Variants in RBBP9 observed in about 807,000 individuals in gnomAD.
RBBP9 encodes serine hydrolase RBBP9.
Under a neutral mutation model 24.2 loss-of-function variants are expected in RBBP9, and 20 were observed. The observed-to-expected ratio is 0.83, with a 90% CI of 0.58 to 1.20. The LOEUF (loss-of-function observed/expected upper bound fraction) is 1.20, where lower values mean the gene tolerates loss of function less well. Ranked by LOEUF, RBBP9 falls within the 50% of genes most tolerant of loss-of-function variation. The pLI is 0.00. For missense variants in RBBP9, 234 were observed against 233.6 expected (o/e 1.00, Z -0.01); for synonymous variants, 74 against 84.6 (o/e 0.87, Z 0.69).
chr20:18,497,178 A>C lies in RBBP9; in HGVS notation c.-11T>G, dbSNP rs1254843632. ...GCTAGGAGAAGCCATGAGTGCAGCG[A>C]GGCCAGAGTTCCCCAGCGCGGGTCC... On this transcript the variant is annotated 5_prime_UTR_variant, in exon 1 of 5. Transcript: ENST00000337227. 1.2e-6 allele frequency: 2 copies of C among 1,607,440 alleles called. No individual in the cohort carries two copies. The highest frequency in any genetic ancestry group is 1.7e-6 in the Non-Finnish European group (2 of 1,174,310).
intron 2 of RBBP9, among the ~76,000 whole-genome samples, chr20:18,494,282 CT>C (rs34967358): frequency 0.64 from 78,128 of 122,026 alleles, 24,274 homozygotes; most frequent in Non-Finnish European, 0.73. Flanking sequence ...TTTCTTTTCT[CT>C]TTTTTTTTTT....
rs933444594 is a variant in RBBP9 at position 18,488,736 on chromosome 20, T to C, written c.*1028A>G. The C allele has an allele frequency of 2.0e-5, 3 of 152,262 alleles. No individual in the cohort carries two copies. The highest frequency in any genetic ancestry group is 7.2e-5 in the African/African-American group (3 of 41,470). The allele number at this position is 152,262 out of a possible 1,614,324, so 9.4% of individuals were successfully genotyped here. ...TGGAACAAAATCCAAATTGTCCCCA[T>C]GATTTCGTCCTTTGACATTATGTTC... On this transcript the variant is annotated 3_prime_UTR_variant, in exon 5 of 5. Coordinates refer to ENST00000337227, the MANE Select transcript of RBBP9 (RefSeq NM_006606.3).
At chr20:18,491,149 A>G (rs772448771) in intron 3 of RBBP9, among the ~76,000 whole-genome samples, 2 of 152,238 alleles carry the variant, frequency 1.3e-5, no homozygotes, top group Non-Finnish European at 2.9e-5. Context: ...TAAGGCCTAG[A>G]ATCTGCATTT....
At chr20:18,494,848 A>G (rs1336600375) in intron 2 of RBBP9, among the ~76,000 whole-genome samples, 1 of 152,224 alleles carries the variant, frequency 6.6e-6, no homozygotes, top group Non-Finnish European at 1.5e-5. Context: ...TTTTATACCT[A>G]TGCCTCAAGT....
rs1353290682 is a variant in RBBP9, at chr20:18,497,176, C to T, written c.-9G>A. On this transcript the variant is annotated 5_prime_UTR_variant, in exon 1 of 5. Coordinates refer to ENST00000337227, the MANE Select transcript of RBBP9 (RefSeq NM_006606.3). ...TTGCTAGGAGAAGCCATGAGTGCAG[C>T]GAGGCCAGAGTTCCCCAGCGCGGGT... 3.1e-6 allele frequency: 5 copies of T among 1,610,466 alleles called. No individual in the cohort carries two copies. Among genetic ancestry groups the T allele is most frequent in the South Asian group, 2.2e-5 (2 of 90,892 alleles).
intron 1 of RBBP9, 132 bp from the exon 2 acceptor site, chr20:18,496,012 G>A: frequency 1.3e-6 from 1 of 760,112 alleles, no homozygotes; most frequent in Non-Finnish European, 2.1e-6. Flanking sequence ...AATGAAGTAG[G>A]TTAAGTGACC....
At chr20:18,495,754 A>G (rs1212388970) in intron 2 of RBBP9, 84 bp downstream of exon 2, 53 of 1,364,432 alleles carry the variant, frequency 3.9e-5, no homozygotes, top group African/African-American at 5.8e-5. Context: ...TTCCTCCACT[A>G]TGATATTCTT....
At position 18,496,660 on chromosome 20, in the gene RBBP9, A is replaced by G. The variant is rs566415149; in HGVS notation, c.99+409T>C. 1.6e-3 allele frequency among the ~76,000 whole-genome samples: 246 copies of G among 152,310 alleles called. 1 individual carries two copies. The highest frequency in any genetic ancestry group is 5.7e-3 in the African/African-American group (237 of 41,568). On this transcript the variant is annotated intron_variant, in intron 1 of 4. Transcript: ENST00000337227. ...TTGGTAATTCATTACATTATGCCTCATAATGTAGACGCATGTTACGTATAT... is the reference window on the plus strand; with the variant it reads ...TTGGTAATTCATTACATTATGCCTCGTAATGTAGACGCATGTTACGTATAT...
rs6111990 is a variant in RBBP9 at position 18,489,953 on chromosome 20, C to T, written c.372G>A (p.Lys124=). 1,078 of 1,607,302 alleles carry T rather than the reference C, an allele frequency of 6.7e-4. 7 individuals are homozygous for T. In the African/African-American group the frequency reaches 0.011, roughly 16 times the overall value. The change falls in exon 5 of 5, where the codon AAG becomes AAA. Residue 124 remains lysine (K), a synonymous_variant. Transcript: ENST00000337227. ...FTRPWQWEKI[K]ANCPYIVQFG... ...ACTGCACAATGTAAGGGCAGTTGGC[C>T]TTGATCTTCTCCCACTGCCAGGGGC... is the stretch of plus-strand genomic sequence containing the variant.
chr20:18,491,462 AAGC>A (rs1201624469), intron 3 of RBBP9, among the ~76,000 whole-genome samples: 1 of 152,190 alleles, frequency 6.6e-6, no homozygotes, highest in African/African-American at 2.4e-5. Context: ...CATTAAAAGT[AAGC>A]AGGAGACAGA....
rs1739636824 is a variant in RBBP9, at chr20:18,493,976, C to G, written c.230G>C (p.Gly77Ala). Residue 77 changes from glycine to alanine, a missense_variant, in exon 3 of 5, where the codon GGG becomes GCG. Gly to Ala is a moderately conservative substitution (Grantham distance 60). Coordinates refer to ENST00000337227, the MANE Select transcript of RBBP9 (RefSeq NM_006606.3). The stretch of plus-strand genomic sequence containing the variant: ...ATCGCACCTCATGGCCGCGATGGCC[C>G]CAGAACTGTGGCCAATGATGATAGT... ...EKTIIIGHSS[G>A]AIAAMRYAET... The G allele has an allele frequency of 1.2e-6, 2 of 1,612,640 alleles. No homozygotes were observed. Among genetic ancestry groups the G allele is most frequent in the Non-Finnish European group, 1.7e-6 (2 of 1,179,576 alleles).
rs749191312 is a variant in RBBP9, at chr20:18,497,075, C to T, written c.93G>A (p.Leu31=). ...HGWYGWVKKE[L]EKIPGFQCLA... is the part of the protein sequence containing the mutation. ...AGCGGCGTTGGGCGCTTACCTTCTC[C>T]AGCTCCTTTTTCACCCAGCCATACC... The change falls in exon 1 of 5, where the codon CTG becomes CTA. Residue 31 remains leucine, a synonymous_variant. Coordinates refer to ENST00000337227, the MANE Select transcript of RBBP9 (RefSeq NM_006606.3). 1.2e-6 allele frequency: 2 copies of T among 1,613,972 alleles called. No homozygotes were observed. The highest frequency in any genetic ancestry group is 1.7e-6 in the Non-Finnish European group (2 of 1,179,854).
At chr20:18,491,197 T>C (rs1156572814) in intron 3 of RBBP9, among the ~76,000 whole-genome samples, 1 of 152,244 alleles carries the variant, frequency 6.6e-6, no homozygotes, top group African/African-American at 2.4e-5. Flanking sequence ...ATGACTCTAA[T>C]GCAAGTGGTC....
intron 1 of RBBP9, 61 bp from the exon 2 acceptor site, chr20:18,495,941 C>A: frequency 7.4e-7 from 1 of 1,345,670 alleles, no homozygotes; most frequent in Non-Finnish European, 1.0e-6. Context: ...TAATACTTTG[C>A]TAATAAGAAA....
Position 18,489,693 on chromosome 20 carries a change from C to A in RBBP9, c.*71G>T. On this transcript the variant is annotated 3_prime_UTR_variant, in exon 5 of 5. Coordinates refer to ENST00000337227, the MANE Select transcript of RBBP9 (RefSeq NM_006606.3). ...GAACTTAACTGGATGTTCTATGTGT[C>A]TAGTAATCAGCTGATAGTAGATATT... 1 of 1,016,350 alleles carries A rather than the reference C, an allele frequency of 9.8e-7. No individual in the cohort carries two copies. 63.0% of individuals were successfully genotyped at this position (1,016,350 alleles called of 1,614,324 possible). A position where few individuals can be genotyped will look rare whatever the true frequency, so the allele number is the denominator to read the frequency against.
rs750063824 is a variant in RBBP9 at position 18,497,134 on chromosome 20, C to T, written c.34G>A (p.Gly12Arg). 17 of 1,614,068 alleles carry T rather than the reference C, an allele frequency of 1.1e-5. No homozygotes were observed. Among genetic ancestry groups the T allele is most frequent in the Admixed American group, 1.7e-5 (1 of 60,006 alleles). Reference sequence around the variant, plus strand: ...GTGGTCACATCCCCGCCTCCGTTCCCGGGAACAATCACTGCCTTGCTAGGA... The same window carrying T: ...GTGGTCACATCCCCGCCTCCGTTCCTGGGAACAATCACTGCCTTGCTAGGA... ...ASPSKAVIVP[G>R]NGGGDVTTHG... Residue 12 changes from glycine to arginine, a missense_variant, in exon 1 of 5, where the codon GGG becomes AGG. Coordinates refer to ENST00000337227, the MANE Select transcript of RBBP9 (RefSeq NM_006606.3).
chr20:18,490,612 GA>G, intron 3 of RBBP9, 132 bp from the exon 4 acceptor site: 2 of 570,806 alleles, frequency 3.5e-6, no homozygotes, highest in Non-Finnish European at 6.2e-6. Flanking sequence ...AGGTTGATGT[GA>G]AAAATGGCAA....
rs1000879394 is a variant in RBBP9 at position 18,489,707 on chromosome 20, A to G, written c.*57T>C. ...GTTCTATGTGTCTAGTAATCAGCTG[A>G]TAGTAGATATTATTCTACTCCTATA... On this transcript the variant is annotated 3_prime_UTR_variant, in exon 5 of 5. Transcript: ENST00000337227. The G allele has an allele frequency of 8.7e-7, 1 of 1,149,730 alleles. No homozygotes were observed. The highest frequency in any genetic ancestry group is 1.3e-6 in the Non-Finnish European group (1 of 773,360). 71.2% of individuals were successfully genotyped at this position (1,149,730 alleles called of 1,614,324 possible).
At chr20:18,493,169 G>A (rs2059871741) in intron 3 of RBBP9, among the ~76,000 whole-genome samples, 1 of 152,190 alleles carries the variant, frequency 6.6e-6, no homozygotes, top group Non-Finnish European at 1.5e-5. Context: ...AGCCAGCTAA[G>A]TCCCTACCCA....
Sources: allele counts gnomAD v4.1 joint callset (sites outside exome capture counted in the v4.1 genomes callset), GRCh38; gene constraint gnomAD v4.1.1; transcripts MANE v1.5; gene names NCBI Gene and HGNC (gene_info 2026-07-23, HGNC 2026-07-21).